The following CHIC1 variants were observed in gnomAD, a reference collection of about 807,000 sequenced individuals.
CHIC1 encodes cysteine-rich hydrophobic domain-containing protein 1.
CHIC1 carries 7 observed loss-of-function variants against 18.5 expected under a neutral mutation model. The observed-to-expected ratio is 0.38, with a 90% CI of 0.22 to 0.71. The LOEUF (loss-of-function observed/expected upper bound fraction) is 0.71, where lower values mean the gene tolerates loss of function less well. Ranked by LOEUF, CHIC1 falls within the 30% of genes least tolerant of loss-of-function variation. The probability of loss-of-function intolerance (pLI) is 0.49; values close to 1 mark genes in which losing one functional copy is unlikely to be tolerated. For missense variants in CHIC1, 159 were observed against 176.9 expected (o/e 0.90, Z 0.57); for synonymous variants, 77 against 73.5 (o/e 1.05, Z -0.25).
rs2058099328 is a variant in CHIC1, at chrX:73,681,515, TA to T, written c.*511del. 8.9e-6 allele frequency: 1 copy of T among 112,792 alleles called. No individual in the cohort carries two copies. The highest frequency in any genetic ancestry group is 1.9e-5 in the Non-Finnish European group (1 of 53,192). The allele number at this position is 112,792 out of a possible 1,213,427, so 9.3% of individuals were successfully genotyped here. On this transcript the variant is annotated 3_prime_UTR_variant, in exon 6 of 6. Coordinates refer to ENST00000373502, the MANE Select transcript of CHIC1 (RefSeq NM_001039840.4). ...ACTGGTTTTGTCCTGCACTTTGCTT[TA>T]TCACTTATGTTAGTGGATAAAATAT...
chrX:73,564,355 A>C (rs2057434305), intron 1 of CHIC1, among the ~76,000 whole-genome samples: 1 of 112,261 alleles, frequency 8.9e-6, no homozygotes, highest in Non-Finnish European at 1.9e-5. Context: ...TGAAATATAC[A>C]GGCATTAAAT....
chrX:73,566,778 A>C (rs2083280893), intron 1 of CHIC1, among the ~76,000 whole-genome samples: 1 of 111,168 alleles, frequency 9.0e-6, no homozygotes, highest in African/African-American at 3.3e-5. Context: ...TTCATTCCCT[A>C]TCCTTCAGGT....
intron 3 of CHIC1, among the ~76,000 whole-genome samples, chrX:73,620,039 C>T (rs1482375799): frequency 8.9e-6 from 1 of 111,895 alleles, no homozygotes; most frequent in Admixed American, 9.5e-5. Flanking sequence ...ATGAGCTCAT[C>T]CGTTTTTATG....
chrX:73,685,137 C>A lies in CHIC1; in HGVS notation c.*4132C>A, dbSNP rs2058116045. On this transcript the variant is annotated 3_prime_UTR_variant, in exon 6 of 6. Coordinates refer to ENST00000373502, the MANE Select transcript of CHIC1 (RefSeq NM_001039840.4). Reference sequence around the variant, plus strand: ...TCTATAGAATCTCAGAATGATTATTCTCAGATCTACTGTCCTTGGTGGAAA... The same window carrying A: ...TCTATAGAATCTCAGAATGATTATTATCAGATCTACTGTCCTTGGTGGAAA... The A allele has an allele frequency of 9.0e-6, 1 of 111,636 alleles. No individual in the cohort carries two copies. Among genetic ancestry groups the A allele is most frequent in the African/African-American group, 3.2e-5 (1 of 30,809 alleles). The allele number at this position is 111,636 out of a possible 1,213,427, so 9.2% of individuals were successfully genotyped here.
rs1437705105 is a variant in CHIC1 at position 73,685,235 on chromosome X, C to G, written c.*4230C>G. The G allele has an allele frequency of 9.0e-6, 1 of 111,484 alleles. No individual in the cohort carries two copies. Among genetic ancestry groups the G allele is most frequent in the East Asian group, 2.8e-4 (1 of 3,538 alleles). The allele number at this position is 111,484 out of a possible 1,213,427, so 9.2% of individuals were successfully genotyped here. A position where few individuals can be genotyped will look rare whatever the true frequency, so the allele number is the denominator to read the frequency against. ...TGACGTGTTAATTATCACACAGACT[C>G]CAAGAACCTGATGCTTGCTAGACCT... On this transcript the variant is annotated 3_prime_UTR_variant, in exon 6 of 6. Transcript: ENST00000373502.
At chrX:73,643,697 G>C (rs1352475420) in intron 3 of CHIC1, among the ~76,000 whole-genome samples, 1 of 111,706 alleles carries the variant, frequency 9.0e-6, no homozygotes, top group East Asian at 2.8e-4. Flanking sequence ...TGTAGTTGTC[G>C]AGCCTTGGCT....
At chrX:73,608,235 C>T (rs990683280) in intron 3 of CHIC1, among the ~76,000 whole-genome samples, 6 of 108,899 alleles carry the variant, frequency 5.5e-5, no homozygotes, top group African/African-American at 7.1e-5. Context: ...CTTCTAGGCT[C>T]GGTGTTCTAT....
At chrX:73,615,380 AG>A (rs1448358188) in intron 3 of CHIC1, among the ~76,000 whole-genome samples, 1 of 111,683 alleles carries the variant, frequency 9.0e-6, no homozygotes, top group Non-Finnish European at 1.9e-5. Flanking sequence ...TTGGGTGGAC[AG>A]GATCTTGGGG....
chrX:73,679,621 A>G (rs2058087710), intron 4 of CHIC1, 33 bp from the exon 5 acceptor site: 2 of 977,722 alleles, frequency 2.0e-6, no homozygotes, highest in Admixed American at 3.8e-5. Context: ...TTAAGTTAAT[A>G]TAAAAATTCT....
chrX:73,639,176 C>G lies in CHIC1; in HGVS notation c.508-40150C>G, dbSNP rs1308875388. 2.1e-4 allele frequency among the ~76,000 whole-genome samples: 23 copies of G among 111,713 alleles called. 1 individual carries two copies. In the Admixed American group the frequency reaches 2.2e-3, roughly 11 times the overall value. On this transcript the variant is annotated intron_variant, in intron 3 of 5. Coordinates refer to ENST00000373502, the MANE Select transcript of CHIC1 (RefSeq NM_001039840.4). ...AAGTATCTCCTTTTCTATGCAACCT[C>G]AACAGCACCTCTCATTTTTTGACCT... is the stretch of plus-strand genomic sequence containing the variant.
chrX:73,579,407 T>C (rs983583065), intron 2 of CHIC1, among the ~76,000 whole-genome samples: 1 of 110,817 alleles, frequency 9.0e-6, no homozygotes, highest in African/African-American at 3.3e-5. Flanking sequence ...TCTTCATCAT[T>C]GTATTGTAGT....
chrX:73,655,563 TATAGTGTGTGC>T (rs2057943691), intron 3 of CHIC1, among the ~76,000 whole-genome samples: 1 of 91,240 alleles, frequency 1.1e-5, no homozygotes, highest in African/African-American at 4.1e-5. Context: ...ATTGTGTATA[TATAGTGTGTGC>T]ATATATATAC....
chrX:73,646,903 C>T (rs750906385), intron 3 of CHIC1, among the ~76,000 whole-genome samples: 102 of 112,488 alleles, frequency 9.1e-4, no homozygotes, highest in Non-Finnish European at 1.8e-3. Context: ...ATTTCTCCAA[C>T]TTTTCCTATA....
At chrX:73,673,979 A>G (rs1251270325) in intron 3 of CHIC1, among the ~76,000 whole-genome samples, 1 of 111,970 alleles carries the variant, frequency 8.9e-6, no homozygotes, top group Non-Finnish European at 1.9e-5. Flanking sequence ...ATTTTGTCAA[A>G]GGCCTTTTCT....
intron 3 of CHIC1, among the ~76,000 whole-genome samples, chrX:73,653,925 A>C (rs1363100151): frequency 8.9e-6 from 1 of 112,333 alleles, no homozygotes; most frequent in East Asian, 2.8e-4. Flanking sequence ...AACTTTACTG[A>C]ATTTGAAAGA....
chrX:73,647,279 T>G (rs2057893996), intron 3 of CHIC1, among the ~76,000 whole-genome samples: 2 of 112,148 alleles, frequency 1.8e-5, no homozygotes, highest in African/African-American at 6.5e-5. Flanking sequence ...AGAATCTGAT[T>G]AAGTTTCTAG....
At chrX:73,591,060 A>G (rs1185942904) in intron 3 of CHIC1, among the ~76,000 whole-genome samples, 1 of 111,656 alleles carries the variant, frequency 9.0e-6, no homozygotes, top group Non-Finnish European at 1.9e-5. Flanking sequence ...CCAGCAATGA[A>G]TAAGACTTCC....
intron 3 of CHIC1, among the ~76,000 whole-genome samples, chrX:73,618,553 G>A (rs776018278): frequency 7.2e-5 from 8 of 111,265 alleles, no homozygotes; most frequent in Non-Finnish European, 1.3e-4. Flanking sequence ...AGGGAACTGG[G>A]GGAAAGAGAG....
intron 3 of CHIC1, among the ~76,000 whole-genome samples, chrX:73,647,902 AC>A (rs2057896697): frequency 8.9e-6 from 1 of 111,845 alleles, no homozygotes. Flanking sequence ...TCCCTGTGCC[AC>A]CCAGCTGAGT....
Sources: allele counts gnomAD v4.1 joint callset (sites outside exome capture counted in the v4.1 genomes callset), GRCh38; gene constraint gnomAD v4.1.1; transcripts MANE v1.5; gene names NCBI Gene and HGNC (gene_info 2026-07-23, HGNC 2026-07-21).